Variants in HIVEP2 observed in about 807,000 individuals in gnomAD.
The protein encoded by HIVEP2 is HIVEP zinc finger 2.
In HIVEP2, 14 loss-of-function variants were observed where a neutral mutation model predicts 180.7. The observed-to-expected ratio is 0.08, with a 90% CI of 0.05 to 0.12. The LOEUF (loss-of-function observed/expected upper bound fraction) is 0.12, where lower values mean the gene tolerates loss of function less well. HIVEP2 is among the 10% of genes least tolerant of loss of function. The pLI is 1.00. For synonymous variants in HIVEP2, 1,184 were observed against 1,136.4 expected (o/e 1.04, Z -0.84); for missense variants, 2,579 against 3,008.5 (o/e 0.86, Z 3.34).
At chr6:142,940,568 G>A (rs1242673690) in intron 1 of HIVEP2, among the ~76,000 whole-genome samples, 2 of 152,108 alleles carry the variant, frequency 1.3e-5, no homozygotes, top group African/African-American at 4.8e-5. Flanking sequence ...TCATTCCTGT[G>A]GTCAACCTTC....
At chr6:142,923,253 T>G (rs557069749) in intron 1 of HIVEP2, among the ~76,000 whole-genome samples, 12 of 151,476 alleles carry the variant, frequency 7.9e-5, no homozygotes, top group Non-Finnish European at 1.8e-4. Flanking sequence ...ATTGCTTGAA[T>G]CCGGGAGGCG....
At chr6:142,824,674 G>A (rs1774820834) in intron 2 of HIVEP2, among the ~76,000 whole-genome samples, 2 of 152,056 alleles carry the variant, frequency 1.3e-5, no homozygotes, top group South Asian at 2.1e-4. Flanking sequence ...CTAATACCTC[G>A]TAGCCGTGTA....
chr6:142,894,292 T>C (rs573824719), intron 1 of HIVEP2, among the ~76,000 whole-genome samples: 1 of 152,366 alleles, frequency 6.6e-6, no homozygotes, highest in South Asian at 2.1e-4. Context: ...TTTCAGGTAC[T>C]ATCTTTTACT....
chr6:142,792,325 A>T (rs1437850324), intron 2 of HIVEP2, among the ~76,000 whole-genome samples: 7 of 152,222 alleles, frequency 4.6e-5, no homozygotes, highest in African/African-American at 7.2e-5. Flanking sequence ...AAAGGAGGAA[A>T]AGATACAAGT....
At chr6:142,887,331 C>T (rs879520006) in intron 1 of HIVEP2, among the ~76,000 whole-genome samples, 1 of 151,820 alleles carries the variant, frequency 6.6e-6, no homozygotes, top group Non-Finnish European at 1.5e-5. Flanking sequence ...TGTATTAATA[C>T]TTAATATTAA....
At chr6:142,924,784 A>G (rs1375915817) in intron 1 of HIVEP2, among the ~76,000 whole-genome samples, 1 of 152,248 alleles carries the variant, frequency 6.6e-6, no homozygotes, top group African/African-American at 2.4e-5. Context: ...TATGCAGTCC[A>G]TAAGGACTTT....
chr6:142,804,931 C>G (rs1025510979), intron 2 of HIVEP2, among the ~76,000 whole-genome samples: 1 of 152,104 alleles, frequency 6.6e-6, no homozygotes, highest in African/African-American at 2.4e-5. Context: ...AATAGTCATC[C>G]TTTCAATTGG....
chr6:142,909,492 G>A (rs1777347758), intron 1 of HIVEP2, among the ~76,000 whole-genome samples: 1 of 152,144 alleles, frequency 6.6e-6, no homozygotes, highest in Non-Finnish European at 1.5e-5. Flanking sequence ...CAGTGTTAGA[G>A]AGGAGGTCAC....
chr6:142,758,049 C>A (rs9496456), intron 9 of HIVEP2, among the ~76,000 whole-genome samples: 1,894 of 152,228 alleles, frequency 0.012, 40 homozygotes, highest in African/African-American at 0.044. Context: ...AGCATCACTG[C>A]GTGTATACCA....
intron 1 of HIVEP2, among the ~76,000 whole-genome samples, chr6:142,887,496 G>T (rs907760192): frequency 6.6e-6 from 1 of 152,100 alleles, no homozygotes; most frequent in African/African-American, 2.4e-5. Flanking sequence ...AGGATCCTCA[G>T]ATAATTTTAA....
intron 1 of HIVEP2, among the ~76,000 whole-genome samples, chr6:142,908,697 CT>C (rs558991780): frequency 4.7e-4 from 72 of 152,066 alleles, no homozygotes; most frequent in African/African-American, 1.6e-3. Flanking sequence ...AACTTGGTGC[CT>C]TCAGGTTGAC....
At chr6:142,793,042 T>C (rs1411340837) in intron 2 of HIVEP2, among the ~76,000 whole-genome samples, 1 of 152,200 alleles carries the variant, frequency 6.6e-6, no homozygotes. Flanking sequence ...TATTAGTACT[T>C]GCAGCAGTCT....
chr6:142,815,222 G>T (rs1008271994), intron 2 of HIVEP2, among the ~76,000 whole-genome samples: 26 of 152,192 alleles, frequency 1.7e-4, no homozygotes, highest in Admixed American at 1.4e-3. Flanking sequence ...CTTGCTCTTT[G>T]GGGGGGACAC....
intron 1 of HIVEP2, among the ~76,000 whole-genome samples, chr6:142,912,575 G>A (rs965275410): frequency 5.9e-5 from 9 of 152,220 alleles, no homozygotes; most frequent in Non-Finnish European, 1.2e-4. Flanking sequence ...TAGGAACCGC[G>A]TCGCACAGCA....
chr6:142,847,259 C>A (rs1282264381), intron 1 of HIVEP2, among the ~76,000 whole-genome samples: 2 of 152,142 alleles, frequency 1.3e-5, no homozygotes, highest in Non-Finnish European at 2.9e-5. Flanking sequence ...AAACATAGAG[C>A]TATTTTCAGC....
In HIVEP2 at chr6:142,753,407, C is replaced by T; in HGVS notation, c.7041G>A (p.Gly2347=). The change falls in exon 10 of 10, where the codon GGG becomes GGA. Residue 2347 remains glycine (G), a synonymous_variant. Transcript: ENST00000367603. ...RIATEEAALL[G]PDQPARVQEP... ...CCTGCACCCGCGCTGGCTGATCTGG[C>T]CCGAGCAGAGCTGCCTCTTCCGTGG... 1 of 1,613,934 alleles carries T rather than the reference C, an allele frequency of 6.2e-7. No homozygotes were observed. The highest frequency in any genetic ancestry group is 1.7e-5 in the Admixed American group (1 of 60,026).
intron 2 of HIVEP2, among the ~76,000 whole-genome samples, chr6:142,822,411 T>C (rs1245496570): frequency 2.6e-5 from 4 of 152,216 alleles, no homozygotes; most frequent in African/African-American, 7.2e-5. Context: ...ATATTCACCA[T>C]AATTCGGAGT....
chr6:142,816,871 A>AGG (rs1232021065), intron 2 of HIVEP2, among the ~76,000 whole-genome samples: 59 of 144,944 alleles, frequency 4.1e-4, no homozygotes, highest in African/African-American at 1.5e-3. Context: ...ATAGCACCAG[A>AGG]GGGTGTGTGT....
At chr6:142,887,881 A>G (rs180921886) in intron 1 of HIVEP2, among the ~76,000 whole-genome samples, 6 of 152,052 alleles carry the variant, frequency 3.9e-5, no homozygotes, top group African/African-American at 9.6e-5. Context: ...TCACCTGGTC[A>G]CTAAATTTAG....
Sources: allele counts gnomAD v4.1 joint callset (sites outside exome capture counted in the v4.1 genomes callset), GRCh38; gene constraint gnomAD v4.1.1; transcripts MANE v1.5; gene names NCBI Gene and HGNC (gene_info 2026-07-23, HGNC 2026-07-21).